TMEM117: variants seen among roughly 807,000 people sequenced by gnomAD.
TMEM117 encodes transmembrane protein 117.
Under a neutral mutation model 52.4 loss-of-function variants are expected in TMEM117, and 27 were observed. The ratio of observed to expected loss-of-function variants is 0.51; its 90% confidence interval spans 0.38 to 0.71. TMEM117 has a LOEUF of 0.71. TMEM117 is among the 30% of genes least tolerant of loss of function. The probability of loss-of-function intolerance (pLI) is 0.00; values close to 1 mark genes in which losing one functional copy is unlikely to be tolerated. For synonymous variants in TMEM117, 215 were observed against 206.3 expected, an observed-to-expected ratio of 1.04 and a Z score of -0.36; for missense variants, 556 against 630.5, an observed-to-expected ratio of 0.88 and a Z score of 1.26.
chr12:43,961,199 G>A (rs888018611), intron 3 of TMEM117, among the ~76,000 whole-genome samples: 1 of 152,070 alleles, frequency 6.6e-6, no homozygotes, highest in Admixed American at 6.6e-5. Flanking sequence ...ATAAATATTA[G>A]TAGCTATTAT....
At chr12:44,045,121 C>T (rs1946859886) in intron 3 of TMEM117, among the ~76,000 whole-genome samples, 2 of 152,176 alleles carry the variant, frequency 1.3e-5, no homozygotes, top group South Asian at 4.1e-4. Flanking sequence ...CACCACTCAA[C>T]CTCTTTCCCC....
chr12:44,374,588 T>C (rs1452462395), intron 6 of TMEM117, among the ~76,000 whole-genome samples: 1 of 151,662 alleles, frequency 6.6e-6, no homozygotes, highest in Non-Finnish European at 1.5e-5. Context: ...TCTGTGAAAG[T>C]ACAGGTGGGA....
chr12:44,313,628 T>G (rs1280225513), intron 6 of TMEM117, among the ~76,000 whole-genome samples: 1 of 152,226 alleles, frequency 6.6e-6, no homozygotes, highest in African/African-American at 2.4e-5. Flanking sequence ...AGAATAATTT[T>G]TTATAATTCT....
chr12:44,204,453 T>C lies in TMEM117; in HGVS notation c.511-6837T>C, dbSNP rs145979733. Reference sequence around the variant, plus strand: ...TGAATAGATAAACATTCTATGTTCATGAATAGGAAGAATCAATATTATTAA... The same window carrying C: ...TGAATAGATAAACATTCTATGTTCACGAATAGGAAGAATCAATATTATTAA... On this transcript the variant is annotated intron_variant, in intron 4 of 7. Coordinates refer to ENST00000266534, the MANE Select transcript of TMEM117 (RefSeq NM_032256.3). Among the ~76,000 whole-genome samples, 131 of 152,304 alleles carry C rather than the reference T, an allele frequency of 8.6e-4. 2 individuals are homozygous for C. The highest frequency in any genetic ancestry group is 2.9e-3 in the African/African-American group (120 of 41,574).
intron 3 of TMEM117, among the ~76,000 whole-genome samples, chr12:44,092,009 G>A (rs1206996974): frequency 6.6e-6 from 1 of 152,098 alleles, no homozygotes; most frequent in Non-Finnish European, 1.5e-5. Flanking sequence ...GAACTGATGA[G>A]GGGGGAAAAA....
intron 4 of TMEM117, among the ~76,000 whole-genome samples, chr12:44,195,445 T>C (rs988382513): frequency 2.4e-4 from 37 of 152,268 alleles, no homozygotes; most frequent in African/African-American, 7.9e-4. Flanking sequence ...CTGCTCATCA[T>C]AGTCACAGGT....
At chr12:44,263,338 A>G (rs1950341941) in intron 5 of TMEM117, 1 of 152,240 alleles carries the variant, frequency 6.6e-6, no homozygotes, top group Admixed American at 6.5e-5. Context: ...TGATCATTAA[A>G]AAGTCAGGAA....
chr12:44,334,773 T>C (rs1448516581), intron 6 of TMEM117, among the ~76,000 whole-genome samples: 1 of 152,004 alleles, frequency 6.6e-6, no homozygotes, highest in African/African-American at 2.4e-5. Context: ...ACTCCTCAAC[T>C]CTTGGCACAG....
chr12:44,231,893 G>A (rs1381159832), intron 5 of TMEM117, among the ~76,000 whole-genome samples: 1 of 151,462 alleles, frequency 6.6e-6, no homozygotes, highest in African/African-American at 2.4e-5. Context: ...TCTTCTTATG[G>A]GTTAAAGCAT....
chr12:44,111,779 G>A (rs922890843), intron 3 of TMEM117, among the ~76,000 whole-genome samples: 1 of 142,920 alleles, frequency 7.0e-6, no homozygotes, highest in Middle Eastern at 3.3e-3. Context: ...TTTCTGTCTT[G>A]TTGATCTGTC....
intron 3 of TMEM117, among the ~76,000 whole-genome samples, chr12:44,097,346 C>T: frequency 6.6e-6 from 1 of 151,980 alleles, no homozygotes; most frequent in Non-Finnish European, 1.5e-5. Flanking sequence ...ACCATTTGAC[C>T]CAGCCATCCC....
intron 6 of TMEM117, among the ~76,000 whole-genome samples, chr12:44,328,026 A>G (rs912374526): frequency 2.0e-5 from 3 of 152,210 alleles, no homozygotes; most frequent in Non-Finnish European, 4.4e-5. Flanking sequence ...TGGAGCGGTG[A>G]GCCAGTTAAG....
At chr12:43,915,957 C>G (rs76875969) in intron 2 of TMEM117, among the ~76,000 whole-genome samples, 1,745 of 152,272 alleles carry the variant, frequency 0.011, 41 homozygotes, top group African/African-American at 0.04. Context: ...TCTAACAACT[C>G]TCTTGTCTGA....
chr12:44,009,553 A>G, intron 3 of TMEM117: 1 of 229,812 alleles, frequency 4.4e-6, no homozygotes, highest in South Asian at 8.4e-5. Context: ...TTTCATATAC[A>G]GGCTGGGTTT....
intron 2 of TMEM117, among the ~76,000 whole-genome samples, chr12:43,872,300 T>G (rs558674370): frequency 1.3e-5 from 2 of 152,334 alleles, no homozygotes; most frequent in South Asian, 2.1e-4. Context: ...AAGATTGGCT[T>G]GAAAACAATA....
chr12:44,382,355 T>G (rs1392019668), intron 7 of TMEM117, among the ~76,000 whole-genome samples: 2 of 152,198 alleles, frequency 1.3e-5, no homozygotes, highest in Non-Finnish European at 2.9e-5. Flanking sequence ...CTTTTCACAG[T>G]TTTTCAGATT....
chr12:44,257,268 G>GT (rs1198370348), intron 5 of TMEM117, among the ~76,000 whole-genome samples: 2 of 151,762 alleles, frequency 1.3e-5, no homozygotes, highest in Non-Finnish European at 2.9e-5. Flanking sequence ...GAGCGGAGCC[G>GT]TAGGCATCTG....
chr12:43,830,558 C>A, the TMEM117 span, among the ~76,000 whole-genome samples: 1 of 150,004 alleles, frequency 6.7e-6, no homozygotes, highest in Non-Finnish European at 1.5e-5. Flanking sequence ...TGCAGTGAGC[C>A]GAGATCATGC....
chr12:44,349,175 A>G (rs1193644271), intron 6 of TMEM117, among the ~76,000 whole-genome samples: 2 of 152,044 alleles, frequency 1.3e-5, no homozygotes, highest in Non-Finnish European at 2.9e-5. Context: ...TTTCAAAGGC[A>G]TAGATTGTAA....
Sources: gnomAD v4.1 joint callset for allele counts (sites outside exome capture counted in the v4.1 genomes callset) on GRCh38, gnomAD v4.1.1 for gene constraint, MANE v1.5 for transcripts, NCBI Gene and HGNC (gene_info 2026-07-23, HGNC 2026-07-21) for gene names.